Variants in WEE1 observed in about 807,000 individuals in gnomAD.
WEE1 encodes WEE1 G2 checkpoint kinase, also known as wee1-like protein kinase.
Under a neutral mutation model 68.8 loss-of-function variants are expected in WEE1, and 16 were observed. The observed-to-expected ratio is 0.23, with a 90% CI of 0.16 to 0.35. The LOEUF is 0.35. Among genes scored for constraint, WEE1 ranks in the 10% least tolerant of loss-of-function variants. WEE1 has a pLI of 1.00. For synonymous variants in WEE1, 349 were observed against 318.7 expected, an observed-to-expected ratio of 1.09 and a Z score of -1.01; for missense variants, 651 against 824.1, an observed-to-expected ratio of 0.79 and a Z score of 2.57.
rs1849530060 is a variant in WEE1 at position 9,573,739 on chromosome 11, G to A, written c.-195G>A. The A allele has an allele frequency of 4.1e-6, 1 of 245,592 alleles. No homozygotes were observed. The highest frequency in any genetic ancestry group is 7.1e-6 in the Non-Finnish European group (1 of 141,320). The allele number at this position is 245,592 out of a possible 1,614,324, so 15.2% of individuals were successfully genotyped here. On this transcript the variant is annotated 5_prime_UTR_variant, in exon 1 of 11. Transcript: ENST00000450114. The stretch of plus-strand genomic sequence containing the variant: ...TGCTCGGGCCGCCCCGCCTCTGCCG[G>A]AAAGTCCGCGCCGCCGCTGCCGCCA...
At chr11:9,577,811 G>A (rs554521976) in intron 5 of WEE1, 4 of 448,322 alleles carry the variant, frequency 8.9e-6, no homozygotes, top group Non-Finnish European at 1.3e-5. Context: ...CTAGCTTGTC[G>A]TCTCTCCCTC....
In WEE1 at chr11:9,573,969, C is replaced by A; in HGVS notation, c.36C>A (p.Pro12=). ...TGAGCCGACAGCAGCCGCCGCCACC[C>A]CGCCGCGCCGGGGCGGCCTGCACCT... ...SFLSRQQPPP[P]RRAGAACTLR... is the part of the protein sequence containing the mutation. Residue 12 remains proline, a synonymous_variant, in exon 1 of 11, where the codon CCC becomes CCA. Transcript: ENST00000450114. 1 of 1,295,136 alleles carries A rather than the reference C, an allele frequency of 7.7e-7. No individual in the cohort carries two copies. Among genetic ancestry groups the A allele is most frequent in the African/African-American group, 1.5e-5 (1 of 64,620 alleles). The allele number at this position is 1,295,136 out of a possible 1,614,324, so 80.2% of individuals were successfully genotyped here.
In WEE1 at chr11:9,576,283, G is replaced by T; in HGVS notation, c.836G>T (p.Arg279Ile). Reference protein sequence around the residue: ...ASDYELEDETRPAKRITITES... With the variant: ...ASDYELEDETIPAKRITITES... ...GATTATGAGCTTGAAGATGAAACAA[G>T]ACCTGCTAAGGTAAATAGCTTTTTA... is the stretch of plus-strand genomic sequence containing the variant. Residue 279 changes from arginine (R) to isoleucine (I), a missense_variant, in exon 3 of 11, where the codon AGA (arginine) becomes ATA (isoleucine). Physicochemically the swap from Arg to Ile is moderately conservative, Grantham distance 97 (BLOSUM62 -3). Around this residue, in one of 5 missense-constraint regions of WEE1, gnomAD observed 395 missense variants for 378.4 expected, o/e 1.04. Coordinates refer to ENST00000450114, the MANE Select transcript of WEE1 (RefSeq NM_003390.4). The surrounding 1 kb of genome is among the most constrained non-coding windows in gnomAD (Gnocchi z 4.3). The T allele has an allele frequency of 6.6e-7, 1 of 1,523,594 alleles. No homozygotes were observed. The highest frequency in any genetic ancestry group is 1.2e-5 in the South Asian group (1 of 83,332). 94.4% of individuals were successfully genotyped at this position (1,523,594 alleles called of 1,614,324 possible).
intron 6 of WEE1, 122 bp downstream of exon 6, chr11:9,581,800 T>G: frequency 5.7e-5 from 51 of 894,340 alleles, no homozygotes; most frequent in Non-Finnish European, 7.4e-5. Flanking sequence ...TAAAAGGCCT[T>G]AGATCCACTT....
At position 9,576,304 on chromosome 11, in the gene WEE1, T is replaced by C; in HGVS notation, c.846+11T>C. 1 of 1,522,742 alleles carries C rather than the reference T, an allele frequency of 6.6e-7. No individual in the cohort carries two copies. Among genetic ancestry groups the C allele is most frequent in the Non-Finnish European group, 8.9e-7 (1 of 1,127,380 alleles). The allele number at this position is 1,522,742 out of a possible 1,614,324, so 94.3% of individuals were successfully genotyped here. ...ACAAGACCTGCTAAGGTAAATAGCT[T>C]TTTATTTTTATTTTTTTGAAATTTA... On this transcript the variant is annotated intron_variant, in intron 3 of 10. Transcript: ENST00000450114. The surrounding 1 kb of genome is among the most constrained non-coding windows in gnomAD (Gnocchi z 4.3).
At chr11:9,577,801 C>T in intron 5 of WEE1, 1 of 447,628 alleles carries the variant, frequency 2.2e-6, no homozygotes, top group South Asian at 1.6e-5. Context: ...TTTTAGTTCT[C>T]TAGCTTGTCG....
rs376064105 is a variant in WEE1 at position 9,578,014 on chromosome 11, T to C, written c.1141+751T>C. ...TCATTATTATATACCAAATCTTTTA[T>C]GGATTATTTCTCAACACTTTTGTAG... is the stretch of plus-strand genomic sequence containing the variant. On this transcript the variant is annotated intron_variant, in intron 5 of 10. Coordinates refer to ENST00000450114, the MANE Select transcript of WEE1 (RefSeq NM_003390.4). 8 of 401,076 alleles carry C rather than the reference T, an allele frequency of 2.0e-5. No individual in the cohort carries two copies. The East Asian group carries it at 2.2e-4, about 11-fold the overall frequency. 24.8% of individuals were successfully genotyped at this position (401,076 alleles called of 1,614,324 possible). A position where few individuals can be genotyped will look rare whatever the true frequency, so the allele number is the denominator to read the frequency against.
At chr11:9,575,251 T>A (rs1849552532) in intron 1 of WEE1, 1 of 985,760 alleles carries the variant, frequency 1.0e-6, no homozygotes, top group Non-Finnish European at 1.2e-6. Flanking sequence ...CACCTGTGTT[T>A]TGAAAGGCCT....
chr11:9,574,531 A>T lies in WEE1; in HGVS notation c.576+22A>T. The T allele has an allele frequency of 8.4e-7, 1 of 1,189,998 alleles. No individual in the cohort carries two copies. The highest frequency in any genetic ancestry group is 3.9e-5 in the East Asian group (1 of 25,494). The allele number at this position is 1,189,998 out of a possible 1,614,324, so 73.7% of individuals were successfully genotyped here. On this transcript the variant is annotated intron_variant, in intron 1 of 10. Transcript: ENST00000450114. The surrounding 1 kb of genome is among the most constrained non-coding windows in gnomAD (Gnocchi z 4.9). ...CAAGGTGAGAGCGGCGGGCGCGGGC[A>T]CCCGGCGGCCGGGGCCGCGGCGCCG... is the stretch of plus-strand genomic sequence containing the variant.
intron 6 of WEE1, among the ~76,000 whole-genome samples, chr11:9,583,417 C>T (rs933842668): frequency 4.0e-5 from 6 of 151,794 alleles, no homozygotes; most frequent in African/African-American, 1.5e-4. Flanking sequence ...GAGTTCACCA[C>T]CAGCCTGGAC....
chr11:9,581,348 T>C, intron 5 of WEE1, 184 bp from the exon 6 acceptor site: 1 of 553,544 alleles, frequency 1.8e-6, no homozygotes, highest in East Asian at 3.0e-5. Flanking sequence ...TTTGTACCCA[T>C]GCAAATGTAT....
chr11:9,588,742 T>C lies in WEE1; in HGVS notation c.*140T>C, dbSNP rs1041084884. 19 of 1,329,600 alleles carry C rather than the reference T, an allele frequency of 1.4e-5. No homozygotes were observed. Among genetic ancestry groups the C allele is most frequent in the Non-Finnish European group, 1.8e-5 (19 of 1,038,072 alleles). The allele number at this position is 1,329,600 out of a possible 1,614,324, so 82.4% of individuals were successfully genotyped here. On this transcript the variant is annotated 3_prime_UTR_variant, in exon 11 of 11. Transcript: ENST00000450114. ...TTAGGACTTTTATTGTGAATTACAGTTGAAAGCTGTATTTTGATGATTGCT... is the reference window on the plus strand; with the variant it reads ...TTAGGACTTTTATTGTGAATTACAGCTGAAAGCTGTATTTTGATGATTGCT...
Position 9,576,667 on chromosome 11 carries a change from T to C in WEE1, c.1019+8T>C. The C allele has an allele frequency of 6.2e-7, 1 of 1,604,202 alleles. No homozygotes were observed. Among genetic ancestry groups the C allele is most frequent in the Non-Finnish European group, 8.5e-7 (1 of 1,176,986 alleles). Reference sequence around the variant, plus strand: ...GGCGGGCTCTGTTGATGAGTATGTATTAAACATTTTGTCTTTTGCTCTTTT... The same window carrying C: ...GGCGGGCTCTGTTGATGAGTATGTACTAAACATTTTGTCTTTTGCTCTTTT... On this transcript the variant is annotated splice_region_variant and intron_variant, in intron 4 of 10. Coordinates refer to ENST00000450114, the MANE Select transcript of WEE1 (RefSeq NM_003390.4). This position sits in a 1 kb window ranked among gnomAD's most constrained non-coding sequence, Gnocchi z 4.3.
intron 6 of WEE1, 59 bp downstream of exon 6, chr11:9,581,737 C>G: frequency 6.7e-7 from 1 of 1,484,016 alleles, no homozygotes; most frequent in Non-Finnish European, 9.0e-7. Flanking sequence ...TAAATTACTT[C>G]ATTATGACAA....
At position 9,576,396 on chromosome 11, in the gene WEE1, T is replaced by G; in HGVS notation, c.847-91T>G. 1 of 1,555,056 alleles carries G rather than the reference T, an allele frequency of 6.4e-7. No homozygotes were observed. The highest frequency in any genetic ancestry group is 8.7e-7 in the Non-Finnish European group (1 of 1,149,592). On this transcript the variant is annotated intron_variant, in intron 3 of 10. Transcript: ENST00000450114. This position sits in a 1 kb window ranked among gnomAD's most constrained non-coding sequence, Gnocchi z 4.3. ...CATTAACACATAAGGTAGAATGGTTTTTAAATTTCACACATAGCCCTATCA... is the reference window on the plus strand; with the variant it reads ...CATTAACACATAAGGTAGAATGGTTGTTAAATTTCACACATAGCCCTATCA...
At chr11:9,588,410 T>C (rs1401286680) in intron 10 of WEE1, 39 bp from the exon 11 acceptor site, 2 of 1,432,212 alleles carry the variant, frequency 1.4e-6, no homozygotes, top group South Asian at 1.5e-5. Context: ...TTAGAATCTC[T>C]TCCTAGGAAT....
Position 9,574,191 on chromosome 11 carries a change from C to G in WEE1, c.258C>G (p.Pro86=). The change falls in exon 1 of 11, where the codon CCC becomes CCG. Residue 86 remains proline (P), a synonymous_variant. Coordinates refer to ENST00000450114, the MANE Select transcript of WEE1 (RefSeq NM_003390.4). The surrounding 1 kb of genome is among the most constrained non-coding windows in gnomAD (Gnocchi z 4.9). ...RRSPGPAPGS[P]GELEEDLLLP... ...CGCCCGGGCCGGCCCCCGGCAGCCC[C>G]GGCGAGCTGGAGGAGGACCTGTTGC... The G allele has an allele frequency of 1.7e-6, 2 of 1,175,442 alleles. No individual in the cohort carries two copies. The highest frequency in any genetic ancestry group is 7.8e-5 in the East Asian group (2 of 25,712). 72.8% of individuals were successfully genotyped at this position (1,175,442 alleles called of 1,614,324 possible).
intron 6 of WEE1, among the ~76,000 whole-genome samples, chr11:9,583,915 G>T (rs1207431523): frequency 7.0e-6 from 1 of 143,828 alleles, no homozygotes; most frequent in Non-Finnish European, 1.5e-5. Context: ...GTGCGATCTC[G>T]GCTCACTGCA....
At position 9,588,774 on chromosome 11, in the gene WEE1, G is replaced by A. The variant is rs1028933938; in HGVS notation, c.*172G>A. 1.9e-5 allele frequency: 24 copies of A among 1,261,054 alleles called. No homozygotes were observed. The highest frequency in any genetic ancestry group is 4.8e-4 in the Middle Eastern group (2 of 4,184). The allele number at this position is 1,261,054 out of a possible 1,614,324, so 78.1% of individuals were successfully genotyped here. A position where few individuals can be genotyped will look rare whatever the true frequency, so the allele number is the denominator to read the frequency against. On this transcript the variant is annotated 3_prime_UTR_variant, in exon 11 of 11. Transcript: ENST00000450114. ...CTGTATTTTGATGATTGCTATGTCAGGCTTTCATCTAATCTTACCAGTCTG... is the reference window on the plus strand; with the variant it reads ...CTGTATTTTGATGATTGCTATGTCAAGCTTTCATCTAATCTTACCAGTCTG...
Sources: gnomAD v4.1 joint callset for allele counts (sites outside exome capture counted in the v4.1 genomes callset) on GRCh38, gnomAD v4.1.1 for gene constraint, gnomAD v4.1.1 regional missense constraint, Gnocchi (gnomAD v3.1) non-coding constraint, MANE v1.5 for transcripts, NCBI Gene and HGNC (gene_info 2026-07-23, HGNC 2026-07-21) for gene names.